The following ANKRD11 variants were observed in gnomAD, a reference collection of about 807,000 sequenced individuals.
The protein encoded by ANKRD11 is ankyrin repeat domain 11.
A neutral mutation model predicts 195.7 loss-of-function variants in ANKRD11; 17 were observed. The ratio of observed to expected loss-of-function variants is 0.09; its 90% CI spans 0.06 to 0.13. The LOEUF (loss-of-function observed/expected upper bound fraction) is 0.13, where lower values mean the gene tolerates loss of function less well. ANKRD11 is among the 10% of genes least tolerant of loss of function. ANKRD11 has a pLI of 1.00. For synonymous variants in ANKRD11, 1,953 were observed against 1,528.1 expected (o/e 1.28, Z -6.49); for missense variants, 3,735 against 3,566.1 (o/e 1.05, Z -1.21).
At chr16:89,343,463 A>C (rs1171000440) in intron 2 of ANKRD11, among the ~76,000 whole-genome samples, 1 of 152,236 alleles carries the variant, frequency 6.6e-6, no homozygotes, top group Non-Finnish European at 1.5e-5. Context: ...AAGCCAGGGT[A>C]CACAGGTATT....
intron 2 of ANKRD11, among the ~76,000 whole-genome samples, chr16:89,348,411 A>G (rs996722084): frequency 6.6e-6 from 1 of 152,182 alleles, no homozygotes; most frequent in African/African-American, 2.4e-5. Context: ...TTAAATTTAC[A>G]TCAGTATTAA....
intron 1 of ANKRD11, among the ~76,000 whole-genome samples, chr16:89,482,666 C>A (rs141949316): frequency 1.6e-3 from 251 of 152,318 alleles, no homozygotes; most frequent in African/African-American, 5.8e-3. Flanking sequence ...GGCTCCATGC[C>A]TGTAATTCCA....
intron 3 of ANKRD11, chr16:89,313,614 C>T (rs1233379591): frequency 1.6e-6 from 2 of 1,287,392 alleles, no homozygotes; most frequent in African/African-American, 3.0e-5. Flanking sequence ...TTTTTGATAA[C>T]ATAAAGCTAT....
chr16:89,333,580 T>A (rs992140269), intron 2 of ANKRD11, among the ~76,000 whole-genome samples: 12 of 152,344 alleles, frequency 7.9e-5, no homozygotes, highest in African/African-American at 2.6e-4. Flanking sequence ...CTGCACAGTT[T>A]TGCCCTTTCC....
At chr16:89,323,747 C>G in intron 2 of ANKRD11, 1 of 263,436 alleles carries the variant, frequency 3.8e-6, no homozygotes, top group East Asian at 1.3e-4. Flanking sequence ...GAGTCCAACT[C>G]TCTCTCCTTC....
At chr16:89,339,953 A>G (rs2038576217) in intron 2 of ANKRD11, 1 of 152,088 alleles carries the variant, frequency 6.6e-6, no homozygotes, top group African/African-American at 2.4e-5. Context: ...TTTCCCTTCA[A>G]GTTGTGCTCT....
intron 2 of ANKRD11, among the ~76,000 whole-genome samples, chr16:89,396,305 C>A (rs748903788): frequency 6.0e-5 from 9 of 149,106 alleles, no homozygotes; most frequent in Non-Finnish European, 1.3e-4. Flanking sequence ...TGGGTGCACA[C>A]TGTGTGCTGA....
chr16:89,451,678 A>AAGTGCTGGG (rs2044081507), intron 1 of ANKRD11, among the ~76,000 whole-genome samples: 1 of 152,022 alleles, frequency 6.6e-6, no homozygotes, highest in South Asian at 2.1e-4. Context: ...CGGCCTCCCA[A>AAGTGCTGGG]AGTGCTGGGA....
chr16:89,406,315 C>A (rs1337393905), intron 2 of ANKRD11, among the ~76,000 whole-genome samples: 2 of 152,152 alleles, frequency 1.3e-5, no homozygotes, highest in African/African-American at 2.4e-5. Context: ...GAAGCACAGA[C>A]CCTCACTGCC....
intron 1 of ANKRD11, chr16:89,443,260 C>G (rs571993773): frequency 6.6e-6 from 1 of 152,180 alleles, no homozygotes; most frequent in African/African-American, 2.4e-5. Flanking sequence ...CCACCTCACC[C>G]GGCCTCAAAT....
At chr16:89,390,015 G>A (rs1217083954) in intron 2 of ANKRD11, among the ~76,000 whole-genome samples, 2 of 74,018 alleles carry the variant, frequency 2.7e-5, no homozygotes, top group East Asian at 4.2e-4. Context: ...TCACTGGGGC[G>A]AACACCGAGT....
intron 2 of ANKRD11, among the ~76,000 whole-genome samples, chr16:89,379,396 C>T (rs1041626991): frequency 1.3e-5 from 2 of 152,194 alleles, no homozygotes; most frequent in Admixed American, 1.3e-4. Flanking sequence ...CGAAAGCTGA[C>T]CATGGGGAAC....
chr16:89,370,908 A>T (rs1256804086), intron 2 of ANKRD11, among the ~76,000 whole-genome samples: 1 of 151,944 alleles, frequency 6.6e-6, no homozygotes, highest in African/African-American at 2.4e-5. Flanking sequence ...ACACCCAAGA[A>T]CAGAACCCTG....
intron 1 of ANKRD11, among the ~76,000 whole-genome samples, chr16:89,439,902 A>AG (rs1187726781): frequency 6.6e-6 from 1 of 152,238 alleles, no homozygotes; most frequent in Non-Finnish European, 1.5e-5. Flanking sequence ...CGGCCTCCGG[A>AG]GAAGTCAAAG....
chr16:89,423,748 TGTAAGAAAAC>T (rs2152248506), intron 1 of ANKRD11, among the ~76,000 whole-genome samples: 1 of 152,284 alleles, frequency 6.6e-6, no homozygotes, highest in South Asian at 2.1e-4. Context: ...GCTTCGATGG[TGTAAGAAAAC>T]GTTTTAAATG....
intron 1 of ANKRD11, among the ~76,000 whole-genome samples, chr16:89,477,396 C>T (rs777798856): frequency 6.6e-6 from 1 of 151,972 alleles, no homozygotes; most frequent in Admixed American, 6.6e-5. Context: ...CACTCTGTCA[C>T]CCAGGCTGGA....
chr16:89,487,026 A>G (rs183864195), intron 1 of ANKRD11, among the ~76,000 whole-genome samples: 1 of 152,306 alleles, frequency 6.6e-6, no homozygotes, highest in East Asian at 1.9e-4. Context: ...AAAAAAAGAA[A>G]AAAACAATTT....
At chr16:89,446,243 A>G (rs1477491636) in intron 1 of ANKRD11, among the ~76,000 whole-genome samples, 1 of 152,136 alleles carries the variant, frequency 6.6e-6, no homozygotes. Context: ...GAACAAGAAA[A>G]CAGCTTCTAA....
intron 2 of ANKRD11, among the ~76,000 whole-genome samples, chr16:89,334,165 A>AC (rs1440438789): frequency 2.8e-5 from 4 of 145,144 alleles, no homozygotes; most frequent in African/African-American, 5.1e-5. Context: ...AAAAAAAAAA[A>AC]AAAAAAAACA....
Sources: allele counts gnomAD v4.1 joint callset (sites outside exome capture counted in the v4.1 genomes callset), GRCh38; gene constraint gnomAD v4.1.1; transcripts MANE v1.5; gene names NCBI Gene and HGNC (gene_info 2026-07-23, HGNC 2026-07-21).